ZFHX3: variants seen among roughly 807,000 people sequenced by gnomAD.
ZFHX3 encodes the protein zinc finger homeobox protein 3.
A neutral mutation model predicts 279.1 loss-of-function variants in ZFHX3; 42 were observed. The observed-to-expected ratio is 0.15, with a 90% CI of 0.12 to 0.19. The LOEUF is 0.19. Among genes scored for constraint, ZFHX3 ranks in the 10% least tolerant of loss-of-function variants. The probability of loss-of-function intolerance (pLI) is 1.00; values close to 1 mark genes in which losing one functional copy is unlikely to be tolerated. For missense variants in ZFHX3, 4,981 were observed against 4,754.0 expected, an observed-to-expected ratio of 1.05 and a Z score of -1.40; for synonymous variants, 2,293 against 1,957.8, an observed-to-expected ratio of 1.17 and a Z score of -4.52.
chr16:73,566,053 G>A (rs888460237), intron 2 of ZFHX3, among the ~76,000 whole-genome samples: 4 of 152,234 alleles, frequency 2.6e-5, no homozygotes, highest in African/African-American at 9.6e-5. Context: ...CTCATGCAGA[G>A]CTGTGGCAAT....
intron 2 of ZFHX3, among the ~76,000 whole-genome samples, chr16:73,668,138 T>C (rs1251702044): frequency 6.6e-6 from 1 of 152,184 alleles, no homozygotes; most frequent in East Asian, 1.9e-4. Context: ...CAGATCTATG[T>C]GTGCCAGACT....
At chr16:73,001,654 T>C (rs1027613236) in intron 1 of ZFHX3, among the ~76,000 whole-genome samples, 2 of 151,348 alleles carry the variant, frequency 1.3e-5, no homozygotes, top group African/African-American at 4.9e-5. Context: ...CTCTACAAAA[T>C]TTTTTTTAAA....
Position 72,889,958 on chromosome 16 carries a change from A to G in ZFHX3, c.3221T>C (p.Leu1074Pro). 1 of 1,612,476 alleles carries G rather than the reference A, an allele frequency of 6.2e-7. No individual in the cohort carries two copies. The highest frequency in any genetic ancestry group is 8.5e-7 in the Non-Finnish European group (1 of 1,179,598). The change falls in exon 4 of 10, where the codon CTG (leucine) becomes CCG (proline). Residue 1074 changes from leucine (L) to proline (P), a missense_variant. This residue lies in a region of ZFHX3 where 1,751 missense variants were observed against 1,770.0 expected (regional missense o/e 0.99). Transcript: ENST00000268489. ...TTCTACACCACTCTCATGCTGCTGC[A>G]GGTGCTGCAAGTAACAAAAGAGAAA... Reference protein sequence around the residue: ...HEASLKLYKHLQQHESGVEGE... With the variant: ...HEASLKLYKHPQQHESGVEGE...
intron 2 of ZFHX3, among the ~76,000 whole-genome samples, chr16:73,603,771 G>C (rs2052148524): frequency 2.8e-5 from 3 of 107,422 alleles, no homozygotes; most frequent in Middle Eastern, 5.3e-3. Context: ...AAAAAAATAC[G>C]CTTTTTTTTT....
At chr16:72,948,085 T>C (rs990416425) in intron 3 of ZFHX3, among the ~76,000 whole-genome samples, 2 of 152,164 alleles carry the variant, frequency 1.3e-5, no homozygotes, top group African/African-American at 4.8e-5. Context: ...AGCACTGGAA[T>C]GACAATCCCA....
intron 3 of ZFHX3, among the ~76,000 whole-genome samples, chr16:73,357,257 G>A (rs2016358544): frequency 2.0e-5 from 3 of 151,964 alleles, no homozygotes; most frequent in South Asian, 4.1e-4. Context: ...TTACTCGACT[G>A]AAAATTTGGG....
At chr16:73,041,198 C>T (rs1277504052) in intron 1 of ZFHX3, among the ~76,000 whole-genome samples, 1 of 152,214 alleles carries the variant, frequency 6.6e-6, no homozygotes, top group Non-Finnish European at 1.5e-5. Context: ...CCTCCAGTTA[C>T]ACATCTGGGA....
intron 1 of ZFHX3, among the ~76,000 whole-genome samples, chr16:73,688,033 T>C (rs1250922616): frequency 6.6e-6 from 1 of 152,010 alleles, no homozygotes; most frequent in Non-Finnish European, 1.5e-5. Flanking sequence ...TTATGGCTGC[T>C]ATGGTCTGAA....
At chr16:73,618,344 A>G (rs887204091) in intron 2 of ZFHX3, among the ~76,000 whole-genome samples, 2 of 152,186 alleles carry the variant, frequency 1.3e-5, no homozygotes, top group Non-Finnish European at 2.9e-5. Context: ...GCAAAGATAG[A>G]TAAGATTCAG....
intron 1 of ZFHX3, among the ~76,000 whole-genome samples, chr16:73,004,387 G>A (rs1319871259): frequency 7.2e-6 from 1 of 138,412 alleles, no homozygotes; most frequent in Non-Finnish European, 1.5e-5. Flanking sequence ...GGAGCACAGT[G>A]GTGCAATCTC....
chr16:72,799,628 C>A (rs1008210801), intron 8 of ZFHX3, among the ~76,000 whole-genome samples: 1 of 152,176 alleles, frequency 6.6e-6, no homozygotes, highest in Non-Finnish European at 1.5e-5. Context: ...AAACTCAGAA[C>A]GAAAGACAAC....
At chr16:73,656,803 G>A (rs2052725617) in intron 2 of ZFHX3, among the ~76,000 whole-genome samples, 1 of 152,200 alleles carries the variant, frequency 6.6e-6, no homozygotes, top group Non-Finnish European at 1.5e-5. Flanking sequence ...CTCAAGTTCT[G>A]ATTACCCTTT....
intron 5 of ZFHX3, among the ~76,000 whole-genome samples, chr16:73,185,161 C>T (rs534990914): frequency 1.3e-5 from 2 of 152,136 alleles, no homozygotes; most frequent in African/African-American, 2.4e-5. Flanking sequence ...AAAGAAGGGA[C>T]GACCTGAGCA....
At chr16:73,646,796 C>G (rs1254318445) in intron 2 of ZFHX3, among the ~76,000 whole-genome samples, 2 of 152,044 alleles carry the variant, frequency 1.3e-5, no homozygotes, top group Admixed American at 6.6e-5. Context: ...AGACAATAAT[C>G]ATATGGGAAA....
chr16:73,198,853 A>G (rs1968209082), intron 5 of ZFHX3, among the ~76,000 whole-genome samples: 1 of 152,236 alleles, frequency 6.6e-6, no homozygotes, highest in Non-Finnish European at 1.5e-5. Context: ...CCTACTTGTT[A>G]TATTCAAATA....
chr16:73,206,453 A>G (rs890108974), intron 5 of ZFHX3, among the ~76,000 whole-genome samples: 1 of 152,110 alleles, frequency 6.6e-6, no homozygotes, highest in Non-Finnish European at 1.5e-5. Flanking sequence ...CTCCCTTTCA[A>G]TTTTGATCTC....
intron 2 of ZFHX3, among the ~76,000 whole-genome samples, chr16:73,654,277 T>C (rs1210696886): frequency 6.6e-6 from 1 of 152,032 alleles, no homozygotes; most frequent in Middle Eastern, 3.2e-3. Flanking sequence ...CAAAATTGGC[T>C]AGATACTTTA....
intron 1 of ZFHX3, among the ~76,000 whole-genome samples, chr16:73,830,264 C>A (rs1473914621): frequency 1.4e-5 from 2 of 142,760 alleles, no homozygotes; most frequent in African/African-American, 5.3e-5. Context: ...TGCTTCGGCT[C>A]GCGCACGGTG....
intron 3 of ZFHX3, among the ~76,000 whole-genome samples, chr16:73,368,619 A>G (rs1483241562): frequency 6.6e-6 from 1 of 152,250 alleles, no homozygotes; most frequent in Non-Finnish European, 1.5e-5. Flanking sequence ...ATTATAATGT[A>G]TGGCTAATTG....
Sources: allele counts gnomAD v4.1 joint callset (sites outside exome capture counted in the v4.1 genomes callset), GRCh38; gene constraint gnomAD v4.1.1; regional missense constraint gnomAD v4.1.1; transcripts MANE v1.5; gene names NCBI Gene and HGNC (gene_info 2026-07-23, HGNC 2026-07-21).